The following PRKG1 variants were observed in gnomAD, a reference collection of about 807,000 sequenced individuals.
PRKG1 encodes protein kinase cGMP-dependent 1, also known as cGMP-dependent protein kinase 1.
PRKG1 carries 35 observed loss-of-function variants against 88.1 expected under a neutral mutation model. The observed-to-expected ratio is 0.40, with a 90% confidence interval of 0.30 to 0.53. The LOEUF is 0.53. Among genes scored for constraint, PRKG1 ranks in the 20% least tolerant of loss-of-function variants. The pLI, the probability that PRKG1 is intolerant of heterozygous loss-of-function variation, is 0.59. For missense variants in PRKG1, 540 were observed against 839.8 expected, an observed-to-expected ratio of 0.64 and a Z score of 4.41; for synonymous variants, 303 against 292.5, an observed-to-expected ratio of 1.04 and a Z score of -0.37.
intron 5 of PRKG1, among the ~76,000 whole-genome samples, chr10:52,011,627 A>G (rs915020610): frequency 9.2e-5 from 14 of 152,066 alleles, no homozygotes; most frequent in Non-Finnish European, 1.9e-4. Flanking sequence ...TCCTCATCTG[A>G]TTTGTTACCA....
At chr10:51,187,982 G>GT (rs1265747482) in intron 2 of PRKG1, among the ~76,000 whole-genome samples, 2 of 151,984 alleles carry the variant, frequency 1.3e-5, no homozygotes, top group Non-Finnish European at 2.9e-5. Flanking sequence ...TTGTGTCATG[G>GT]TTCTTATTGG....
intron 2 of PRKG1, among the ~76,000 whole-genome samples, chr10:51,414,181 C>T (rs1458889366): frequency 3.9e-5 from 6 of 152,214 alleles, no homozygotes; most frequent in African/African-American, 7.2e-5. Context: ...CCGTCACTGA[C>T]GTTTCTTGCC....
chr10:51,500,401 A>G (rs971038700), intron 3 of PRKG1, among the ~76,000 whole-genome samples: 3 of 152,190 alleles, frequency 2.0e-5, no homozygotes, highest in Admixed American at 1.3e-4. Context: ...TCCCTGGATC[A>G]TATTTTGTAT....
At chr10:51,048,083 G>A (rs1437658785) in intron 1 of PRKG1, among the ~76,000 whole-genome samples, 2 of 152,168 alleles carry the variant, frequency 1.3e-5, no homozygotes, top group Non-Finnish European at 2.9e-5. Flanking sequence ...GTCTTTCAGA[G>A]TTCATGCAGC....
At chr10:51,593,128 C>T (rs1017778949) in intron 3 of PRKG1, among the ~76,000 whole-genome samples, 1 of 152,114 alleles carries the variant, frequency 6.6e-6, no homozygotes, top group Non-Finnish European at 1.5e-5. Context: ...TAAAAGAATG[C>T]CATAGTTCCA....
At chr10:51,752,140 C>A (rs1283679787) in intron 3 of PRKG1, among the ~76,000 whole-genome samples, 3 of 151,746 alleles carry the variant, frequency 2.0e-5, no homozygotes, top group African/African-American at 7.3e-5. Flanking sequence ...CCCTTTCCAT[C>A]ATTGTTTATG....
chr10:51,064,927 T>C (rs1289282777), intron 1 of PRKG1, among the ~76,000 whole-genome samples: 1 of 152,104 alleles, frequency 6.6e-6, no homozygotes, highest in Non-Finnish European at 1.5e-5. Context: ...AAATAATATA[T>C]GTATGTTAAG....
At chr10:51,231,151 G>C (rs1838834018) in intron 2 of PRKG1, among the ~76,000 whole-genome samples, 1 of 152,132 alleles carries the variant, frequency 6.6e-6, no homozygotes, top group African/African-American at 2.4e-5. Flanking sequence ...CCAAAGCCTA[G>C]ATTACAGCAA....
At chr10:51,334,037 G>A (rs963253517) in intron 2 of PRKG1, among the ~76,000 whole-genome samples, 3 of 152,050 alleles carry the variant, frequency 2.0e-5, no homozygotes, top group Non-Finnish European at 4.4e-5. Flanking sequence ...TGATAATGCC[G>A]AAACTCTTTA....
chr10:51,166,557 T>C (rs193123927), intron 2 of PRKG1, among the ~76,000 whole-genome samples: 91 of 152,336 alleles, frequency 6.0e-4, no homozygotes, highest in African/African-American at 2.1e-3. Context: ...TCATTTTGCA[T>C]ACTATCCTCT....
chr10:51,661,895 A>C (rs1017468392), intron 3 of PRKG1, among the ~76,000 whole-genome samples: 4 of 152,176 alleles, frequency 2.6e-5, no homozygotes, highest in Non-Finnish European at 5.9e-5. Context: ...AATACTATGC[A>C]GTCATAAAAG....
intron 9 of PRKG1, among the ~76,000 whole-genome samples, chr10:52,241,635 T>C (rs1840865024): frequency 6.6e-6 from 1 of 152,170 alleles, no homozygotes; most frequent in South Asian, 2.1e-4. Context: ...ATCAGAGATT[T>C]CCTATTCAGA....
At chr10:51,569,906 C>T (rs184351225) in intron 3 of PRKG1, among the ~76,000 whole-genome samples, 1 of 151,888 alleles carries the variant, frequency 6.6e-6, no homozygotes, top group East Asian at 1.9e-4. Context: ...TGTATTTCTA[C>T]TACAACTCAT....
intron 3 of PRKG1, among the ~76,000 whole-genome samples, chr10:51,799,346 G>A (rs1197348705): frequency 1.3e-5 from 2 of 151,958 alleles, no homozygotes; most frequent in Non-Finnish European, 2.9e-5. Flanking sequence ...TATCACTTCT[G>A]TCTCACCTCT....
chr10:51,331,311 C>T (rs953934477), intron 2 of PRKG1, among the ~76,000 whole-genome samples: 1 of 152,044 alleles, frequency 6.6e-6, no homozygotes, highest in African/African-American at 2.4e-5. Flanking sequence ...AAGTAAGTCC[C>T]ATGGTGGTGC....
intron 3 of PRKG1, among the ~76,000 whole-genome samples, chr10:51,633,692 G>T (rs1839583598): frequency 6.6e-6 from 1 of 152,098 alleles, no homozygotes; most frequent in Admixed American, 6.5e-5. Context: ...CCAGCAGATG[G>T]TTATCATTTG....
At chr10:51,864,266 T>C (rs1291411098) in intron 4 of PRKG1, among the ~76,000 whole-genome samples, 1 of 152,226 alleles carries the variant, frequency 6.6e-6, no homozygotes, top group African/African-American at 2.4e-5. Context: ...AGGCTGCACA[T>C]GTGAGGTATA....
intron 2 of PRKG1, among the ~76,000 whole-genome samples, chr10:51,450,821 G>A (rs1298079434): frequency 6.7e-6 from 1 of 150,216 alleles, no homozygotes; most frequent in Non-Finnish European, 1.5e-5. Context: ...AATGAGTGGA[G>A]AGAAGAAACA....
intron 3 of PRKG1, among the ~76,000 whole-genome samples, chr10:51,801,903 A>G (rs1839184150): frequency 6.6e-6 from 1 of 152,154 alleles, no homozygotes; most frequent in East Asian, 1.9e-4. Context: ...TTAGATACAT[A>G]CTTGAACAAA....
Sources: gnomAD v4.1 joint callset for allele counts (sites outside exome capture counted in the v4.1 genomes callset) on GRCh38, gnomAD v4.1.1 for gene constraint, MANE v1.5 for transcripts, NCBI Gene and HGNC (gene_info 2026-07-23, HGNC 2026-07-21) for gene names.